The following RBFOX1 variants were observed in gnomAD, a reference collection of about 807,000 sequenced individuals.
RBFOX1 encodes RNA binding fox-1 homolog 1.
In RBFOX1, 8 loss-of-function variants were observed where a neutral mutation model predicts 57.7. That is an observed-to-expected ratio of 0.14 (90% CI 0.08 to 0.25). RBFOX1 has a LOEUF of 0.25. Among genes scored for constraint, RBFOX1 ranks in the 10% least tolerant of loss-of-function variants. RBFOX1 has a pLI of 1.00. For synonymous variants in RBFOX1, 326 were observed against 222.4 expected, an observed-to-expected ratio of 1.47 and a Z score of -4.15; for missense variants, 611 against 548.5, an observed-to-expected ratio of 1.11 and a Z score of -1.14.
intron 2 of RBFOX1, among the ~76,000 whole-genome samples, chr16:6,605,540 G>T (rs1273629448): frequency 6.6e-6 from 1 of 152,180 alleles, no homozygotes; most frequent in East Asian, 1.9e-4. Context: ...CAAGCGTCCA[G>T]TGCATTTGTC....
chr16:7,005,521 A>G (rs1311951241), intron 3 of RBFOX1, among the ~76,000 whole-genome samples: 3 of 152,214 alleles, frequency 2.0e-5, no homozygotes, highest in African/African-American at 4.8e-5. Flanking sequence ...AATTGGTACA[A>G]TGATAAGTGT....
chr16:5,809,453 A>C lies in RBFOX1; in HGVS notation c.319-57850A>C, dbSNP rs570141919. On this transcript the variant is annotated intron_variant, in intron 3 of 19. Transcript: ENST00000641259. Reference sequence around the variant, plus strand: ...ACAAAGGGCTAATATCCAGAATCTAAAATGAACTCAAACAAATTTACAAGA... The same window carrying C: ...ACAAAGGGCTAATATCCAGAATCTACAATGAACTCAAACAAATTTACAAGA... Among the ~76,000 whole-genome samples, 1,279 of 152,250 alleles carry C rather than the reference A, an allele frequency of 8.4e-3. 7 individuals are homozygous for C. Among genetic ancestry groups the C allele is most frequent in the Non-Finnish European group, 0.012 (805 of 68,002 alleles).
rs561568992 is a variant in RBFOX1 at position 7,290,408 on chromosome 16, T to C, written c.28-227739T>C. Among the ~76,000 whole-genome samples, 119 of 152,322 alleles carry C rather than the reference T, an allele frequency of 7.8e-4. 4 individuals are homozygous for C. In the South Asian group the frequency reaches 0.024, roughly 31 times the overall value. On this transcript the variant is annotated intron_variant, in intron 4 of 15. Transcript: ENST00000550418. ...AGGTAATTTTTTAACCAGGTGACCTTAAAATATCTCATTAATCTGGAATGT... is the reference window on the plus strand; with the variant it reads ...AGGTAATTTTTTAACCAGGTGACCTCAAAATATCTCATTAATCTGGAATGT...
At chr16:6,215,324 A>T (rs1167785433) in intron 1 of RBFOX1, among the ~76,000 whole-genome samples, 3 of 125,626 alleles carry the variant, frequency 2.4e-5, no homozygotes, top group African/African-American at 9.2e-5. Context: ...AGAGAGACAG[A>T]GAGGGGAGGG....
rs112288788 is a variant in RBFOX1 at position 6,057,465 on chromosome 16, T to G, written c.-127+37473T>G. ...ATTCATTCATTTATTCAACCAATAT[T>G]TATTGAGGGCTTCCCAAAGTGACAG... is the stretch of plus-strand genomic sequence containing the variant. On this transcript the variant is annotated intron_variant, in intron 1 of 15. Transcript: ENST00000550418. Among the ~76,000 whole-genome samples the G allele has an allele frequency of 2.0e-3, 309 of 152,250 alleles. 1 individual carries two copies. The highest frequency in any genetic ancestry group is 7.0e-3 in the African/African-American group (292 of 41,536).
At chr16:6,514,155 T>A (rs541856466) in intron 2 of RBFOX1, among the ~76,000 whole-genome samples, 3 of 152,128 alleles carry the variant, frequency 2.0e-5, no homozygotes, top group Non-Finnish European at 2.9e-5. Context: ...CATCCAGTGC[T>A]CTTTCTGCTT....
intron 7 of RBFOX1, among the ~76,000 whole-genome samples, chr16:7,594,116 C>A (rs1209993876): frequency 6.6e-6 from 1 of 151,906 alleles, no homozygotes; most frequent in African/African-American, 2.4e-5. Context: ...CTAACGCTAT[C>A]CCTCCCCCAG....
rs528605514 is a variant in RBFOX1 at position 5,687,935 on chromosome 16, C to G, written c.318+88974C>G. 1.4e-4 allele frequency among the ~76,000 whole-genome samples: 21 copies of G among 152,276 alleles called. 1 individual carries two copies. The South Asian group carries it at 2.3e-3, about 17-fold the overall frequency. On this transcript the variant is annotated intron_variant, in intron 3 of 19. Coordinates refer to the RBFOX1 transcript ENST00000641259. ...CACCTTTAAGGAAATAGAATGTATA[C>G]TGGGTTTGTTTTTCTCCTTAACTCA...
intron 1 of RBFOX1, among the ~76,000 whole-genome samples, chr16:6,028,742 G>C (rs1465918671): frequency 6.6e-6 from 1 of 152,158 alleles, no homozygotes; most frequent in African/African-American, 2.4e-5. Context: ...TGGAGAGATT[G>C]TTCAGTCTGA....
intron 4 of RBFOX1, among the ~76,000 whole-genome samples, chr16:7,155,887 T>C (rs973365271): frequency 6.6e-6 from 1 of 151,664 alleles, no homozygotes; most frequent in South Asian, 2.1e-4. Context: ...TGGATATAAA[T>C]TTTATGTCTC....
At chr16:6,572,158 G>A (rs773205634) in intron 2 of RBFOX1, among the ~76,000 whole-genome samples, 6 of 152,006 alleles carry the variant, frequency 3.9e-5, no homozygotes, top group East Asian at 1.9e-4. Context: ...TTTTTAAAAC[G>A]TTACTTGATA....
At chr16:6,565,481 TCTC>T (rs2097251588) in intron 2 of RBFOX1, among the ~76,000 whole-genome samples, 1 of 151,052 alleles carries the variant, frequency 6.6e-6, no homozygotes, top group Non-Finnish European at 1.5e-5. Context: ...ATGGTCTCGA[TCTC>T]CTGACCTCGT....
chr16:7,042,555 C>T (rs778406634), intron 3 of RBFOX1, among the ~76,000 whole-genome samples: 1 of 152,320 alleles, frequency 6.6e-6, no homozygotes, highest in Non-Finnish European at 1.5e-5. Context: ...TAACTAGGAA[C>T]TGTTTAGCAC....
intron 4 of RBFOX1, among the ~76,000 whole-genome samples, chr16:7,499,294 T>C (rs2069813717): frequency 2.0e-5 from 3 of 152,174 alleles, no homozygotes; most frequent in Admixed American, 2.0e-4. Flanking sequence ...TCAGATGGTA[T>C]GCATATCTGT....
intron 2 of RBFOX1, among the ~76,000 whole-genome samples, chr16:6,439,644 G>A (rs1015142322): frequency 9.2e-5 from 14 of 152,122 alleles, no homozygotes; most frequent in African/African-American, 2.4e-5. Context: ...ATTCTCTCCT[G>A]TGTGGCTCAG....
intron 3 of RBFOX1, among the ~76,000 whole-genome samples, chr16:7,028,794 A>T (rs1204533024): frequency 6.6e-6 from 1 of 151,334 alleles, no homozygotes; most frequent in Non-Finnish European, 1.5e-5. Context: ...TGGAACATCC[A>T]AACATTGGCG....
intron 3 of RBFOX1, among the ~76,000 whole-genome samples, chr16:5,699,561 A>G (rs538016187): frequency 6.6e-6 from 1 of 152,108 alleles, no homozygotes; most frequent in South Asian, 2.1e-4. Flanking sequence ...TAATTGCCAA[A>G]TGTCTGCTTG....
rs1235804493 is a variant in RBFOX1, at chr16:7,046,938, A to G, written c.-15-5119A>G. On this transcript the variant is annotated intron_variant, in intron 3 of 15. Transcript: ENST00000550418. Reference sequence around the variant, plus strand: ...TGTTTAACTTCCGTATTGTATATCCATAAATTAAAAAGCTCTTCATGCACT... The same window carrying G: ...TGTTTAACTTCCGTATTGTATATCCGTAAATTAAAAAGCTCTTCATGCACT... 4.6e-5 allele frequency among the ~76,000 whole-genome samples: 7 copies of G among 151,670 alleles called. No homozygotes were observed. In the East Asian group the frequency reaches 1.2e-3, roughly 25 times the overall value.
chr16:6,610,005 C>CACAAA (rs71145259), intron 2 of RBFOX1, among the ~76,000 whole-genome samples: 82,445 of 145,262 alleles, frequency 0.57, 23,886 homozygotes, highest in Non-Finnish European at 0.62. Context: ...GAGGCTCTGA[C>CACAAA]ACAAAACAAA....
Sources: gnomAD v4.1 joint callset for allele counts (sites outside exome capture counted in the v4.1 genomes callset) on GRCh38, gnomAD v4.1.1 for gene constraint, MANE v1.5 for transcripts, NCBI Gene and HGNC (gene_info 2026-07-23, HGNC 2026-07-21) for gene names.